The following PTPRF variants were observed in gnomAD, a reference collection of about 807,000 sequenced individuals.
PTPRF encodes receptor-type tyrosine-protein phosphatase F.
A neutral mutation model predicts 201.8 loss-of-function variants in PTPRF; 59 were observed. That is an observed-to-expected ratio of 0.29 (90% CI 0.24 to 0.36). PTPRF has a LOEUF of 0.36. Ranked by LOEUF, PTPRF falls within the 10% of genes least tolerant of loss-of-function variation. The pLI, the probability that PTPRF is intolerant of heterozygous loss-of-function variation, is 1.00. For missense variants in PTPRF, 2,132 were observed against 2,690.5 expected, an observed-to-expected ratio of 0.79 and a Z score of 4.59; for synonymous variants, 1,088 against 1,089.7, an observed-to-expected ratio of 1.00 and a Z score of 0.03.
At chr1:43,574,456 T>C (rs1029308370) in intron 6 of PTPRF, among the ~76,000 whole-genome samples, 2 of 152,132 alleles carry the variant, frequency 1.3e-5, no homozygotes, top group Non-Finnish European at 2.9e-5. Context: ...AACAAAAATA[T>C]TTACCAAGAG....
upstream of PTPRF, among the ~76,000 whole-genome samples, chr1:43,524,870 G>A (rs1180863272): frequency 6.6e-6 from 1 of 152,334 alleles, no homozygotes; most frequent in East Asian, 1.9e-4. Flanking sequence ...TAAAGAGAAT[G>A]GGGAGGGCTG....
chr1:43,596,081 G>A (rs1304310365), intron 11 of PTPRF, among the ~76,000 whole-genome samples: 1 of 152,164 alleles, frequency 6.6e-6, no homozygotes, highest in Non-Finnish European at 1.5e-5. Context: ...ATCAGGAGGC[G>A]AGGGACCTTG....
At chr1:43,608,957 T>G (rs1655804505) in intron 21 of PTPRF, among the ~76,000 whole-genome samples, 1 of 152,112 alleles carries the variant, frequency 6.6e-6, no homozygotes, top group Admixed American at 6.6e-5. Context: ...ACCCTGATAC[T>G]CTGAGGGCCA....
rs1349139120 is a variant in PTPRF, at chr1:43,545,159, T to C, written c.84T>C (p.His28=). 6.3e-7 allele frequency: 1 copy of C among 1,577,630 alleles called. No individual in the cohort carries two copies. The highest frequency in any genetic ancestry group is 1.8e-5 in the Admixed American group (1 of 55,178). Residue 28 remains histidine, a synonymous_variant, in exon 3 of 34, where the codon CAT becomes CAC. Transcript: ENST00000359947. ...LVMLGLVAGA[H]GDSKPVFIKV... ...TGCTTGGTTTGGTGGCAGGCGCCCA[T>C]GGTGACAGTAAGTCTGACCCCTCAA...
rs115681827 is a variant in PTPRF, at chr1:43,544,824, G to C, written c.-45-207G>C. ...CCACCGTGACTGTTGGGCTGTCCTT[G>C]TGGGTGCTGGGGAATAAGTGAGGAG... On this transcript the variant is annotated intron_variant, in intron 2 of 33. Coordinates refer to ENST00000359947, the MANE Select transcript of PTPRF (RefSeq NM_002840.5). 9.9e-3 allele frequency among the ~76,000 whole-genome samples: 1,504 copies of C among 152,080 alleles called. 28 individuals are homozygous for C. The highest frequency in any genetic ancestry group is 0.034 in the African/African-American group (1,423 of 41,476).
intron 22 of PTPRF, among the ~76,000 whole-genome samples, chr1:43,610,965 A>G (rs1656299458): frequency 6.6e-6 from 1 of 152,246 alleles, no homozygotes; most frequent in Non-Finnish European, 1.5e-5. Context: ...GCACCATTAA[A>G]TAGATGCAGT....
chr1:43,537,183 T>G lies in PTPRF; in HGVS notation c.-125-1015T>G, dbSNP rs1005485020. Among the ~76,000 whole-genome samples, 4 of 152,134 alleles carry G rather than the reference T, an allele frequency of 2.6e-5. No individual in the cohort carries two copies. The highest frequency in any genetic ancestry group is 9.7e-5 in the African/African-American group (4 of 41,434). ...AAGTGGTGATGAGGTGGTATGGGTG[T>G]GTCTGACCCCCACCCCCACCCAGGA... is the stretch of plus-strand genomic sequence containing the variant. On this transcript the variant is annotated intron_variant, in intron 1 of 33. Coordinates refer to ENST00000359947, the MANE Select transcript of PTPRF (RefSeq NM_002840.5). This position sits in a 1 kb window ranked among gnomAD's most constrained non-coding sequence, Gnocchi z 4.8.
chr1:43,620,378 C>A, intron 30 of PTPRF, 76 bp from the exon 31 acceptor site: 1 of 1,536,466 alleles, frequency 6.5e-7, no homozygotes, highest in Non-Finnish European at 8.9e-7. Context: ...GCATCTGTCC[C>A]AGAATCCTGT....
At position 43,613,663 on chromosome 1, in the gene PTPRF, A is replaced by C. The variant is rs754321401; in HGVS notation, c.4019A>C (p.Asn1340Thr). The change falls in exon 23 of 34, where the codon AAC becomes ACC. Residue 1340 changes from asparagine (N) to threonine (T), a missense_variant. Physicochemically the swap from Asn to Thr is moderately conservative, Grantham distance 65. This residue lies in a region of PTPRF where 818 missense variants were observed against 915.3 expected (regional missense o/e 0.89). Coordinates refer to ENST00000359947, the MANE Select transcript of PTPRF (RefSeq NM_002840.5). ...ATCCCCATCACCGACCTGGCGGACA[A>C]CATCGAGCGCCTCAAAGCCAACGAT... ...PPIPITDLAD[N>T]IERLKANDGL... 12 of 1,614,130 alleles carry C rather than the reference A, an allele frequency of 7.4e-6. No homozygotes were observed. Among genetic ancestry groups the C allele is most frequent in the Non-Finnish European group, 1.0e-5 (12 of 1,179,988 alleles).
chr1:43,621,840 C>A, intron 33 of PTPRF, 95 bp from the exon 34 acceptor site: 1 of 1,294,036 alleles, frequency 7.7e-7, no homozygotes, highest in Non-Finnish European at 1.1e-6. Context: ...TCTTGGCCAG[C>A]AGAGGCTAAC....
intron 5 of PTPRF, among the ~76,000 whole-genome samples, chr1:43,568,414 G>A (rs559104231): frequency 2.3e-4 from 35 of 152,292 alleles, no homozygotes; most frequent in Non-Finnish European, 4.7e-4. Flanking sequence ...CTGCCCCAGT[G>A]GCTCAGCCCT....
At position 43,603,328 on chromosome 1, in the gene PTPRF, C is replaced by G; in HGVS notation, c.2341-88C>G. On this transcript the variant is annotated intron_variant, in intron 14 of 33. Transcript: ENST00000359947. This position sits in a 1 kb window ranked among gnomAD's most constrained non-coding sequence, Gnocchi z 5.8. ...CCTGGCCTTGTGTGCCCCGGGGCTC[C>G]CCTCAGGCTAGGGTCCTGAGGTCCC... The G allele has an allele frequency of 8.3e-7, 1 of 1,198,176 alleles. No homozygotes were observed. The highest frequency in any genetic ancestry group is 2.4e-5 in the East Asian group (1 of 42,498). The allele number at this position is 1,198,176 out of a possible 1,614,324, so 74.2% of individuals were successfully genotyped here.
Position 43,554,560 on chromosome 1 carries a change from G to T in PTPRF, c.379+619G>T, listed in dbSNP as rs74070611. 0.012 allele frequency among the ~76,000 whole-genome samples: 1,861 copies of T among 152,306 alleles called. 42 individuals are homozygous for T. The highest frequency in any genetic ancestry group is 0.042 in the African/African-American group (1,733 of 41,538). ...AGGCCCAGAAGCAAGAGAGGATGGAGCTTTCAGAGAGCTCTGAGTAGTTCA... is the reference window on the plus strand; with the variant it reads ...AGGCCCAGAAGCAAGAGAGGATGGATCTTTCAGAGAGCTCTGAGTAGTTCA... On this transcript the variant is annotated intron_variant, in intron 5 of 33. Transcript: ENST00000359947. This position sits in a 1 kb window ranked among gnomAD's most constrained non-coding sequence, Gnocchi z 4.1.
rs754253375 is a variant in PTPRF, at chr1:43,621,961, G to A, written c.5682G>A (p.Ala1894=). 8.7e-6 allele frequency: 14 copies of A among 1,614,030 alleles called. No homozygotes were observed. Among genetic ancestry groups the A allele is most frequent in the Admixed American group, 1.7e-5 (1 of 60,010 alleles). ...TEDQYQLCYR[A]ALEYLGSFDH... is the part of the protein sequence containing the mutation. ...ACCAGTATCAGCTGTGCTACCGTGC[G>A]GCCCTGGAGTACCTCGGCAGCTTTG... Residue 1894 remains alanine (A), a synonymous_variant, in exon 34 of 34, where the codon GCG becomes GCA. Coordinates refer to ENST00000359947, the MANE Select transcript of PTPRF (RefSeq NM_002840.5).
In PTPRF at chr1:43,591,066, C is replaced by G. The variant is rs763835858; in HGVS notation, c.1044C>G (p.Thr348=). Residue 348 remains threonine, a synonymous_variant, in exon 9 of 34, where the codon ACC becomes ACG. Transcript: ENST00000359947. ...ACTCTGGGAACTCGGAGCCTGTAACCTACTATGGCATCCAGTACCGCGCAG... is the reference window on the plus strand; with the variant it reads ...ACTCTGGGAACTCGGAGCCTGTAACGTACTATGGCATCCAGTACCGCGCAG... ...TWDSGNSEPV[T]YYGIQYRAAG... is the part of the protein sequence containing the mutation. 9 of 1,613,918 alleles carry G rather than the reference C, an allele frequency of 5.6e-6. No homozygotes were observed. Among genetic ancestry groups the G allele is most frequent in the Admixed American group, 1.7e-5 (1 of 60,018 alleles).
chr1:43,621,072 C>G, intron 32 of PTPRF, 25 bp from the exon 33 acceptor site: 1 of 1,612,736 alleles, frequency 6.2e-7, no homozygotes, highest in Non-Finnish European at 8.5e-7. Context: ...AGCAGGACTC[C>G]TGACCCAACT....
intron 1 of PTPRF, among the ~76,000 whole-genome samples, chr1:43,535,789 G>A (rs1557659032): frequency 6.6e-6 from 1 of 151,618 alleles, no homozygotes; most frequent in Non-Finnish European, 1.5e-5. Flanking sequence ...TTTCTCTTTG[G>A]TTTGAAACAG....
chr1:43,621,002 G>A lies in PTPRF; in HGVS notation c.5519+10G>A, dbSNP rs768755754. 6.2e-7 allele frequency: 1 copy of A among 1,611,706 alleles called. No individual in the cohort carries two copies. The highest frequency in any genetic ancestry group is 1.7e-5 in the Admixed American group (1 of 59,928). On this transcript the variant is annotated intron_variant, in intron 32 of 33. Transcript: ENST00000359947. ...TCACGGTGCACTGCAGGTGGGACTG[G>A]CCCCCTGGAGGGCTGGGGTGGGTGG...
chr1:43,569,789 G>GCT lies in PTPRF; in HGVS notation c.568+11_568+12insCT. 6.2e-7 allele frequency: 1 copy of GCT among 1,602,456 alleles called. No individual in the cohort carries two copies. Among genetic ancestry groups the GCT allele is most frequent in the Non-Finnish European group, 8.5e-7 (1 of 1,172,764 alleles). ...AGCAGCTGCGTTCAGGTGAGCAGAG[G>GCT]GCAGGGGTCAAGGGGCCATGCAGAC... On this transcript the variant is annotated intron_variant, in intron 6 of 33. Coordinates refer to ENST00000359947, the MANE Select transcript of PTPRF (RefSeq NM_002840.5).
Sources: gnomAD v4.1 joint callset for allele counts (sites outside exome capture counted in the v4.1 genomes callset) on GRCh38, gnomAD v4.1.1 for gene constraint, gnomAD v4.1.1 regional missense constraint, Gnocchi (gnomAD v3.1) non-coding constraint, MANE v1.5 for transcripts, NCBI Gene and HGNC (gene_info 2026-07-23, HGNC 2026-07-21) for gene names.